C12orf56: variants seen among roughly 807,000 people sequenced by gnomAD.
C12orf56 encodes chromosome 12 open reading frame 56, also known as uncharacterized protein C12orf56.
Under a neutral mutation model 69.9 loss-of-function variants are expected in C12orf56, and 71 were observed. The ratio of observed to expected loss-of-function variants is 1.02; its 90% CI spans 0.84 to 1.24. The LOEUF (loss-of-function observed/expected upper bound fraction) is 1.24, where lower values mean the gene tolerates loss of function less well. C12orf56 is among the 50% of genes most tolerant of loss of function. The probability of loss-of-function intolerance (pLI) is 0.00; values close to 1 mark genes in which losing one functional copy is unlikely to be tolerated. For missense variants in C12orf56, 732 were observed against 738.5 expected (o/e 0.99, Z 0.10); for synonymous variants, 276 against 274.1 (o/e 1.01, Z -0.07).
At chr12:64,285,681 C>T (rs935500803) in intron 7 of C12orf56, among the ~76,000 whole-genome samples, 32 of 152,032 alleles carry the variant, frequency 2.1e-4, no homozygotes, top group African/African-American at 5.1e-4. Context: ...CCAGTTGCTC[C>T]GGTAGCTGAA....
intron 2 of C12orf56, among the ~76,000 whole-genome samples, chr12:64,342,787 T>C (rs984161818): frequency 6.6e-6 from 1 of 152,100 alleles, no homozygotes; most frequent in Non-Finnish European, 1.5e-5. Context: ...AAAAGGAGGG[T>C]AGTTATTTGC....
At chr12:64,303,321 T>G (rs1348787254) in intron 6 of C12orf56, among the ~76,000 whole-genome samples, 1 of 149,026 alleles carries the variant, frequency 6.7e-6, no homozygotes, top group Non-Finnish European at 1.5e-5. Flanking sequence ...CTTTCCCATC[T>G]CACTGTCTAT....
chr12:64,329,861 A>AT lies in C12orf56; in HGVS notation c.488+1098dup, dbSNP rs570354813. Among the ~76,000 whole-genome samples, 61 of 150,578 alleles carry AT rather than the reference A, an allele frequency of 4.1e-4. 1 individual carries two copies. In the South Asian group the frequency reaches 6.8e-3, roughly 17 times the overall value. ...TCCCTATAAAGGACATGAACTCATCATTTTTTATGGCTGCATAGTATTCCA... is the reference window on the plus strand; with the variant it reads ...TCCCTATAAAGGACATGAACTCATCATTTTTTTATGGCTGCATAGTATTCCA... On this transcript the variant is annotated intron_variant, in intron 3 of 12. Transcript: ENST00000543942.
At chr12:64,384,741 C>A (rs147392080) in intron 1 of C12orf56, among the ~76,000 whole-genome samples, 81 of 152,186 alleles carry the variant, frequency 5.3e-4, no homozygotes, top group African/African-American at 2.0e-3. Flanking sequence ...GACTGCTCTG[C>A]GTATTTGTTC....
At chr12:64,346,390 G>A (rs1213555016) in intron 2 of C12orf56, among the ~76,000 whole-genome samples, 1 of 152,098 alleles carries the variant, frequency 6.6e-6, no homozygotes, top group Non-Finnish European at 1.5e-5. Context: ...CAGATAAAGG[G>A]TGGGTCTGCC....
chr12:64,295,926 T>C (rs2038359264), intron 6 of C12orf56, among the ~76,000 whole-genome samples: 1 of 152,032 alleles, frequency 6.6e-6, no homozygotes, highest in Non-Finnish European at 1.5e-5. Context: ...GAACCAAAAA[T>C]TAGAGATGCC....
chr12:64,383,544 T>C (rs1415357607), intron 1 of C12orf56, among the ~76,000 whole-genome samples: 1 of 151,984 alleles, frequency 6.6e-6, no homozygotes, highest in Non-Finnish European at 1.5e-5. Context: ...ATCCAGCTAA[T>C]TTTTGTATTT....
At chr12:64,365,746 A>C (rs1027590435) in intron 1 of C12orf56, among the ~76,000 whole-genome samples, 3 of 143,736 alleles carry the variant, frequency 2.1e-5, no homozygotes, top group South Asian at 2.1e-4. Context: ...TTTATATAAT[A>C]TATATAATAT....
intron 11 of C12orf56, 84 bp downstream of exon 11, chr12:64,274,817 A>C: frequency 9.4e-7 from 1 of 1,068,598 alleles, no homozygotes; most frequent in South Asian, 1.8e-5. Context: ...ATCACAGGGA[A>C]AATCTGTGTT....
Position 64,270,612 on chromosome 12 carries a change from A to G in C12orf56, c.1687T>C (p.Tyr563His). ...TGCCGCAGACAGCTCTTGAGGATGT[A>G]AAATTGCTGGTACAACAGAACTGCT... ...CQAVLLYQQF[Y>H]ILKSCLRHSR... Residue 563 changes from tyrosine to histidine, a missense_variant, in exon 12 of 13, where the codon TAC becomes CAC. Transcript: ENST00000543942. 1 of 1,613,796 alleles carries G rather than the reference A, an allele frequency of 6.2e-7. No homozygotes were observed. Among genetic ancestry groups the G allele is most frequent in the Non-Finnish European group, 8.5e-7 (1 of 1,179,778 alleles).
chr12:64,332,079 C>T lies in C12orf56; in HGVS notation c.416-1047G>A, dbSNP rs555165973. 5.9e-5 allele frequency among the ~76,000 whole-genome samples: 9 copies of T among 152,042 alleles called. No homozygotes were observed. The East Asian group carries it at 7.7e-4, about 13-fold the overall frequency. Reference sequence around the variant, plus strand: ...CAGCAGTTTGGGAGGCTGAAGCAGACGGATCACTGGAGGCCAGGAGTTCGA... The same window carrying T: ...CAGCAGTTTGGGAGGCTGAAGCAGATGGATCACTGGAGGCCAGGAGTTCGA... On this transcript the variant is annotated intron_variant, in intron 2 of 12. Transcript: ENST00000543942.
In C12orf56 at chr12:64,266,332, G is replaced by C. The variant is rs555674497; in HGVS notation, c.*851C>G. 5.9e-6 allele frequency: 1 copy of C among 168,622 alleles called. No homozygotes were observed. The highest frequency in any genetic ancestry group is 1.6e-4 in the East Asian group (1 of 6,394). 10.4% of individuals were successfully genotyped at this position (168,622 alleles called of 1,614,324 possible). A position where few individuals can be genotyped will look rare whatever the true frequency, so the allele number is the denominator to read the frequency against. ...TTTTGTCTTAGAACCTTTTTTTCTG[G>C]AGAAACGCTACTGTTTAGCACCACT... On this transcript the variant is annotated 3_prime_UTR_variant, in exon 13 of 13. Transcript: ENST00000543942.
chr12:64,328,573 G>C (rs1034994614), intron 3 of C12orf56, among the ~76,000 whole-genome samples: 2 of 149,820 alleles, frequency 1.3e-5, no homozygotes, highest in East Asian at 2.0e-4. Context: ...CCAGCTACTC[G>C]GGAGGCTGAG....
intron 3 of C12orf56, among the ~76,000 whole-genome samples, chr12:64,325,196 AG>A (rs1565756804): frequency 5.3e-5 from 8 of 152,150 alleles, no homozygotes; most frequent in Admixed American, 3.9e-4. Context: ...TTGCCCAGTC[AG>A]CATGTGTTAA....
intron 5 of C12orf56, among the ~76,000 whole-genome samples, chr12:64,304,755 C>T (rs2038489719): frequency 6.6e-6 from 1 of 152,166 alleles, no homozygotes; most frequent in Admixed American, 6.6e-5. Context: ...TAGACTCGTT[C>T]TTGGACTGAG....
intron 2 of C12orf56, among the ~76,000 whole-genome samples, chr12:64,342,701 A>T (rs1284098759): frequency 1.3e-5 from 2 of 152,242 alleles, no homozygotes; most frequent in Non-Finnish European, 2.9e-5. Flanking sequence ...AGTTCAGGTC[A>T]CATGGTGACT....
chr12:64,325,005 T>G (rs2038819809), intron 3 of C12orf56, among the ~76,000 whole-genome samples: 1 of 152,158 alleles, frequency 6.6e-6, no homozygotes, highest in Non-Finnish European at 1.5e-5. Context: ...AACAGACAAC[T>G]GAACACTGTC....
At chr12:64,369,473 C>T (rs2039540939) in intron 1 of C12orf56, among the ~76,000 whole-genome samples, 1 of 152,056 alleles carries the variant, frequency 6.6e-6, no homozygotes, top group Non-Finnish European at 1.5e-5. Flanking sequence ...GCTGGGATTA[C>T]AGGCGAGAGC....
At chr12:64,319,120 G>C in intron 3 of C12orf56, 140 bp from the exon 4 acceptor site, 1 of 763,804 alleles carries the variant, frequency 1.3e-6, no homozygotes, top group Non-Finnish European at 2.0e-6. Context: ...ATTGAACCTC[G>C]CTGGTAATAA....
Sources: allele counts gnomAD v4.1 joint callset (sites outside exome capture counted in the v4.1 genomes callset), GRCh38; gene constraint gnomAD v4.1.1; transcripts MANE v1.5; gene names NCBI Gene and HGNC (gene_info 2026-07-23, HGNC 2026-07-21).